PRKG1: variants seen among roughly 807,000 people sequenced by gnomAD.
The protein encoded by PRKG1 is cGMP-dependent protein kinase 1.
Under a neutral mutation model 88.1 loss-of-function variants are expected in PRKG1, and 35 were observed. That is an observed-to-expected ratio of 0.40 (90% CI 0.30 to 0.53). The LOEUF (loss-of-function observed/expected upper bound fraction) is 0.53. Among genes scored for constraint, PRKG1 ranks in the 20% least tolerant of loss-of-function variants. The pLI is 0.59. For synonymous variants in PRKG1, 303 were observed against 292.5 expected (o/e 1.04, Z -0.37); for missense variants, 540 against 839.8 (o/e 0.64, Z 4.41).
chr10:51,679,205 T>C (rs1228554385), intron 3 of PRKG1, among the ~76,000 whole-genome samples: 2 of 152,204 alleles, frequency 1.3e-5, no homozygotes. Context: ...ACATTATTTT[T>C]CATTCAATTC....
chr10:52,066,310 C>T (rs1361216394), intron 7 of PRKG1, among the ~76,000 whole-genome samples: 1 of 152,166 alleles, frequency 6.6e-6, no homozygotes, highest in African/African-American at 2.4e-5. Context: ...ATGTCCTCAA[C>T]TGTATTTCAT....
intron 12 of PRKG1, among the ~76,000 whole-genome samples, chr10:52,273,812 G>A (rs1841794881): frequency 6.6e-6 from 1 of 152,076 alleles, no homozygotes; most frequent in Non-Finnish European, 1.5e-5. Flanking sequence ...TAGTTAATAT[G>A]TACATAGAGA....
intron 3 of PRKG1, among the ~76,000 whole-genome samples, chr10:51,508,942 T>C (rs1439652073): frequency 6.6e-6 from 1 of 152,206 alleles, no homozygotes; most frequent in Non-Finnish European, 1.5e-5. Flanking sequence ...CATGGCTGTG[T>C]GTTGACCACA....
intron 10 of PRKG1, 151 bp downstream of exon 10, chr10:52,251,817 A>G (rs958043466): frequency 3.1e-6 from 2 of 649,382 alleles, no homozygotes; most frequent in South Asian, 4.6e-5. Context: ...TGCGGCAGAC[A>G]TGTCATAATT....
intron 2 of PRKG1, among the ~76,000 whole-genome samples, chr10:51,314,584 T>C (rs1457279593): frequency 6.6e-6 from 1 of 152,220 alleles, no homozygotes; most frequent in East Asian, 1.9e-4. Flanking sequence ...AGTTACAATA[T>C]TCAACTCTCT....
chr10:51,486,877 G>T (rs1174576541), intron 3 of PRKG1, among the ~76,000 whole-genome samples: 3 of 152,056 alleles, frequency 2.0e-5, no homozygotes, highest in Non-Finnish European at 2.9e-5. Context: ...AATTTCTACA[G>T]TGCGGTAGTT....
chr10:51,129,023 G>A (rs1845499417), intron 1 of PRKG1, among the ~76,000 whole-genome samples: 1 of 152,152 alleles, frequency 6.6e-6, no homozygotes, highest in East Asian at 1.9e-4. Flanking sequence ...TGGCTATCTG[G>A]AATACGGTCT....
At chr10:51,677,265 A>C (rs1479989244) in intron 3 of PRKG1, among the ~76,000 whole-genome samples, 2 of 151,760 alleles carry the variant, frequency 1.3e-5, no homozygotes, top group Non-Finnish European at 2.9e-5. Context: ...CATAAAACCC[A>C]CTCTACTATT....
intron 1 of PRKG1, among the ~76,000 whole-genome samples, chr10:51,066,133 G>A (rs1002936748): frequency 6.6e-6 from 1 of 152,054 alleles, no homozygotes; most frequent in Non-Finnish European, 1.5e-5. Context: ...AGACGTAATT[G>A]CTTAATGCTT....
chr10:51,149,822 T>C (rs1424445332), intron 1 of PRKG1, among the ~76,000 whole-genome samples: 1 of 151,994 alleles, frequency 6.6e-6, no homozygotes, highest in Non-Finnish European at 1.5e-5. Context: ...GGTGGGAGTA[T>C]TTACACCATG....
intron 1 of PRKG1, among the ~76,000 whole-genome samples, chr10:51,060,066 C>A (rs999557791): frequency 6.6e-6 from 1 of 151,982 alleles, no homozygotes; most frequent in African/African-American, 2.4e-5. Context: ...AGAGATATCC[C>A]TTTTTAACTC....
intron 5 of PRKG1, among the ~76,000 whole-genome samples, chr10:52,019,743 G>A (rs1273167953): frequency 1.3e-5 from 2 of 152,152 alleles, no homozygotes; most frequent in Non-Finnish European, 2.9e-5. Context: ...TTACCAAAAT[G>A]GGTTTAACTT....
chr10:51,299,568 C>T (rs1305303260), intron 2 of PRKG1: 2 of 472,910 alleles, frequency 4.2e-6, no homozygotes, highest in South Asian at 3.1e-5. Context: ...TAACATATGT[C>T]TCTAGCCCTA....
At chr10:51,058,654 A>C (rs573420955) in intron 1 of PRKG1, among the ~76,000 whole-genome samples, 1 of 152,264 alleles carries the variant, frequency 6.6e-6, no homozygotes, top group African/African-American at 2.4e-5. Context: ...TTCTAATTTT[A>C]ATGTGGTTCA....
intron 2 of PRKG1, among the ~76,000 whole-genome samples, chr10:51,314,884 TTC>T (rs1841280926): frequency 6.6e-6 from 1 of 152,226 alleles, no homozygotes. Context: ...AGTTCTGCAA[TTC>T]TAACTGTATG....
At chr10:52,144,019 G>C (rs1837656331) in intron 8 of PRKG1, among the ~76,000 whole-genome samples, 1 of 152,162 alleles carries the variant, frequency 6.6e-6, no homozygotes, top group African/African-American at 2.4e-5. Context: ...GAACATTGAG[G>C]ATGGAGGAAT....
intron 3 of PRKG1, among the ~76,000 whole-genome samples, chr10:51,639,648 CT>C (rs1589152598): frequency 6.6e-6 from 1 of 150,912 alleles, no homozygotes; most frequent in East Asian, 1.9e-4. Flanking sequence ...GAGAAATAAA[CT>C]TTTTATGCCA....
Position 51,958,456 on chromosome 10 carries a change from T to C in PRKG1, c.762+50886T>C, listed in dbSNP as rs144690109. On this transcript the variant is annotated intron_variant, in intron 5 of 17. Transcript: ENST00000373980. ...GATTCAGAGGGATACAGATACAAACTGGACCAGAGTTTTTTTTAGGATAAC... is the reference window on the plus strand; with the variant it reads ...GATTCAGAGGGATACAGATACAAACCGGACCAGAGTTTTTTTTAGGATAAC... Among the ~76,000 whole-genome samples, 914 of 152,016 alleles carry C rather than the reference T, an allele frequency of 6.0e-3. 6 individuals are homozygous for C. Among genetic ancestry groups the C allele is most frequent in the African/African-American group, 0.019 (807 of 41,480 alleles).
chr10:52,251,556 A>G lies in PRKG1; in HGVS notation c.1077-14A>G. The G allele has an allele frequency of 1.9e-6, 3 of 1,610,570 alleles. No individual in the cohort carries two copies. Among genetic ancestry groups the G allele is most frequent in the South Asian group, 1.1e-5 (1 of 90,994 alleles). ...CTCTAAGAAATTTCCATTTTTTCAC[A>G]TCAAAAAATCCAGATATGAAGCTGA... On this transcript the variant is annotated splice_polypyrimidine_tract_variant and intron_variant, in intron 9 of 17. Transcript: ENST00000373980.
Sources: allele counts gnomAD v4.1 joint callset (sites outside exome capture counted in the v4.1 genomes callset), GRCh38; gene constraint gnomAD v4.1.1; transcripts MANE v1.5; gene names NCBI Gene and HGNC (gene_info 2026-07-23, HGNC 2026-07-21).